PLEKHA4: variants seen among roughly 807,000 people sequenced by gnomAD.
The protein encoded by PLEKHA4 is pleckstrin homology domain containing A4, also known as pleckstrin homology domain-containing family A member 4.
In PLEKHA4, 73 loss-of-function variants were observed where a neutral mutation model predicts 94.7. The ratio of observed to expected loss-of-function variants is 0.77; its 90% CI spans 0.64 to 0.94. The LOEUF is 0.94. Among genes scored for constraint, PLEKHA4 ranks in the 40% least tolerant of loss-of-function variants. The probability of loss-of-function intolerance (pLI) is 0.00; values close to 1 mark genes in which losing one functional copy is unlikely to be tolerated. For missense variants in PLEKHA4, 1,049 were observed against 1,054.1 expected (o/e 1.00, Z 0.07); for synonymous variants, 449 against 437.1 (o/e 1.03, Z -0.34).
Position 48,853,705 on chromosome 19 carries a change from C to T in PLEKHA4, c.1303G>A (p.Ala435Thr). The T allele has an allele frequency of 6.3e-7, 1 of 1,595,776 alleles. No individual in the cohort carries two copies. Among genetic ancestry groups the T allele is most frequent in the Admixed American group, 1.7e-5 (1 of 57,870 alleles). Residue 435 changes from alanine (A) to threonine (T), a missense_variant, in exon 12 of 20, where the codon GCC becomes ACC. Transcript: ENST00000263265. ...LLQDRLVSVR[A>T]TLCHLTQERE... is the part of the protein sequence containing the mutation. ...ACCTGAGTCAAGTGACAGAGGGTGG[C>T]CCTCACACTGACCAGCCGGTCCTGC...
At chr19:48,860,042 C>A in intron 6 of PLEKHA4, 1 of 562,054 alleles carries the variant, frequency 1.8e-6, no homozygotes, top group East Asian at 3.0e-5. Flanking sequence ...TAGGTGGCAG[C>A]TCAGGGGACT....
At chr19:48,855,044 A>G (rs2036349828) in intron 9 of PLEKHA4, among the ~76,000 whole-genome samples, 1 of 152,044 alleles carries the variant, frequency 6.6e-6, no homozygotes, top group Non-Finnish European at 1.5e-5. Flanking sequence ...GCATTAGCAA[A>G]TTTCAGTAGA....
chr19:48,857,656 A>G (rs988018962), intron 8 of PLEKHA4, among the ~76,000 whole-genome samples, 160 bp from the exon 9 acceptor site: 61 of 151,518 alleles, frequency 4.0e-4, no homozygotes, highest in African/African-American at 1.5e-3. Context: ...GTGTCCACTC[A>G]GGGTTAAATG....
intron 16 of PLEKHA4, among the ~76,000 whole-genome samples, chr19:48,843,563 C>A (rs544516166): frequency 6.6e-6 from 1 of 152,154 alleles, no homozygotes; most frequent in African/African-American, 2.4e-5. Context: ...TCAGTGCAGG[C>A]TTGACCTCCT....
chr19:48,840,371 C>T (rs2035714405), intron 17 of PLEKHA4, among the ~76,000 whole-genome samples: 1 of 150,668 alleles, frequency 6.6e-6, no homozygotes, highest in South Asian at 2.1e-4. Flanking sequence ...GTGGAGATCG[C>T]ACCACTGCAC....
In PLEKHA4 at chr19:48,865,533, G is replaced by A. The variant is rs143195896; in HGVS notation, c.162C>T (p.Pro54=). 4.3e-5 allele frequency: 69 copies of A among 1,613,982 alleles called. No homozygotes were observed. Among genetic ancestry groups the A allele is most frequent in the African/African-American group, 1.1e-4 (8 of 74,992 alleles). The stretch of plus-strand genomic sequence containing the variant: ...TATGAAGCCAGCCTCGGATGTGCAC[G>A]GGAAGGTTGGGATCCCTCCTGAGCG... ...GNALRRDPNL[P]VHIRGWLHKQ... Residue 54 remains proline, a synonymous_variant, in exon 3 of 20, where the codon CCC becomes CCT. Coordinates refer to ENST00000263265, the MANE Select transcript of PLEKHA4 (RefSeq NM_020904.3).
chr19:48,839,448 A>C (rs555446130), intron 17 of PLEKHA4, among the ~76,000 whole-genome samples, 185 bp from the exon 18 acceptor site: 2 of 152,198 alleles, frequency 1.3e-5, no homozygotes, highest in Non-Finnish European at 2.9e-5. Flanking sequence ...TTATTTATTC[A>C]TTTTTTAGAA....
chr19:48,855,603 CAAATAAATAAATAAAT>C (rs35146886), intron 9 of PLEKHA4, among the ~76,000 whole-genome samples: 1,804 of 142,868 alleles, frequency 0.013, 15 homozygotes, highest in South Asian at 0.03. Context: ...GATTTCGTCT[CAAATAAATAAATAAAT>C]AAATAAATAA....
chr19:48,838,124 C>T lies in PLEKHA4; in HGVS notation c.1970G>A (p.Arg657Lys), dbSNP rs866967666. The T allele has an allele frequency of 6.3e-7, 1 of 1,584,322 alleles. No homozygotes were observed. The highest frequency in any genetic ancestry group is 1.1e-5 in the South Asian group (1 of 90,106). The change falls in exon 19 of 20, where the codon AGG (arginine) becomes AAG (lysine). Residue 657 changes from arginine (R) to lysine (K), a missense_variant. By Grantham distance (26) the Arg-to-Lys change is conservative (BLOSUM62 2). Transcript: ENST00000263265. ...LRSSGSWSSP[R>K]NTTPYLPTSE... ...AGTCGGCAAGTAAGGGGTGGTGTTC[C>T]TTGGACTAGAAAAAAAAAGAAGATT...
At chr19:48,859,905 G>C (rs1599921906) in intron 6 of PLEKHA4, 2 of 602,692 alleles carry the variant, frequency 3.3e-6, no homozygotes, top group East Asian at 5.6e-5. Context: ...CAATGCCCCG[G>C]AATATGGGAT....
At position 48,860,340 on chromosome 19, in the gene PLEKHA4, C is replaced by T. The variant is rs1366073036; in HGVS notation, c.476+10G>A. The T allele has an allele frequency of 1.2e-6, 2 of 1,606,662 alleles. No homozygotes were observed. The highest frequency in any genetic ancestry group is 1.7e-5 in the Admixed American group (1 of 60,002). On this transcript the variant is annotated intron_variant, in intron 6 of 19. Coordinates refer to ENST00000263265, the MANE Select transcript of PLEKHA4 (RefSeq NM_020904.3). ...GGAGGGTCAGGAGCATGGCTTGGAC[C>T]TCTACTCACTAGTCGTCCCCCTCCG...
chr19:48,854,016 C>T lies in PLEKHA4; in HGVS notation c.1167G>A (p.Gln389=), dbSNP rs768319673. 3.1e-6 allele frequency: 5 copies of T among 1,614,056 alleles called. No homozygotes were observed. The highest frequency in any genetic ancestry group is 2.7e-5 in the African/African-American group (2 of 74,952). ...RRLQEEIDQK[Q]EEKEQLEAAL... ...GCCCAGGGCCCCGCACCTTCTCCTC[C>T]TGCTTCTGGTCTATCTCCTCCTGCA... The change falls in exon 11 of 20, where the codon CAG becomes CAA. Residue 389 remains glutamine (Q), a synonymous_variant. Transcript: ENST00000263265.
chr19:48,849,005 T>A (rs1420762306), intron 13 of PLEKHA4, among the ~76,000 whole-genome samples: 1 of 151,938 alleles, frequency 6.6e-6, no homozygotes, highest in Non-Finnish European at 1.5e-5. Flanking sequence ...GCTTAAGCGA[T>A]CCTTCCACCT....
Position 48,837,477 on chromosome 19 carries a change from T to C in PLEKHA4, c.2152A>G (p.Thr718Ala). ...ACCGGGGGAGATCTGGGGGGAGGGG[T>C]CTCCTGGCGCGTGGGGTCCGAAGGA... ...LPPSDPTRQE[T>A]PPPRSPPVAN... Residue 718 changes from threonine (T) to alanine (A), a missense_variant, in exon 20 of 20, where the codon ACC becomes GCC. Transcript: ENST00000263265. The surrounding 1 kb of genome is among the most constrained non-coding windows in gnomAD (Gnocchi z 4.3). The C allele has an allele frequency of 6.2e-7, 1 of 1,611,380 alleles. No individual in the cohort carries two copies. Among genetic ancestry groups the C allele is most frequent in the African/African-American group, 1.3e-5 (1 of 74,516 alleles).
rs913118017 is a variant in PLEKHA4, at chr19:48,861,473, G to C, written c.294C>G (p.Ser98Arg). 17 of 1,614,006 alleles carry C rather than the reference G, an allele frequency of 1.1e-5. No individual in the cohort carries two copies. The African/African-American group carries it at 1.6e-4, about 15-fold the overall frequency. ...TAATATTGTAGCTGGGGAGCAGGAC[G>C]CTGCCTAGGACACTCTCCTCGCGGC... ...KDSREESVLGSVLLPSYNIRP... is the reference protein window; with the variant it reads ...KDSREESVLGRVLLPSYNIRP... Residue 98 changes from serine (S) to arginine (R), a missense_variant, in exon 5 of 20, where the codon AGC (serine) becomes AGG (arginine). Physicochemically the swap from Ser to Arg is moderately radical, Grantham distance 110. Transcript: ENST00000263265.
intron 3 of PLEKHA4, 52 bp from the exon 4 acceptor site, chr19:48,861,744 G>A (rs1487017953): frequency 1.3e-6 from 2 of 1,503,190 alleles, no homozygotes; most frequent in Non-Finnish European, 1.8e-6. Flanking sequence ...CAGAAAAAGG[G>A]GATGAAGGCA....
intron 8 of PLEKHA4, among the ~76,000 whole-genome samples, chr19:48,858,177 T>C (rs760696611): frequency 3.3e-5 from 5 of 152,094 alleles, no homozygotes; most frequent in Non-Finnish European, 7.3e-5. Flanking sequence ...CAGTCAGCTG[T>C]GGATATTCTG....
chr19:48,860,530 C>T, intron 5 of PLEKHA4, 71 bp from the exon 6 acceptor site: 1 of 1,195,620 alleles, frequency 8.4e-7, no homozygotes, highest in Non-Finnish European at 1.2e-6. Context: ...GGACCGGTGA[C>T]TCATTCCAGT....
chr19:48,858,627 CA>C (rs56663437), intron 8 of PLEKHA4, among the ~76,000 whole-genome samples: 5,722 of 63,380 alleles, frequency 0.09, 260 homozygotes, highest in South Asian at 0.24. Context: ...ACCTCAGTCT[CA>C]AAAAAAAAAA....
Sources: gnomAD v4.1 joint callset for allele counts (sites outside exome capture counted in the v4.1 genomes callset) on GRCh38, gnomAD v4.1.1 for gene constraint, Gnocchi (gnomAD v3.1) non-coding constraint, MANE v1.5 for transcripts, NCBI Gene and HGNC (gene_info 2026-07-23, HGNC 2026-07-21) for gene names.